Variants in ZBBX observed in about 807,000 individuals in gnomAD.
ZBBX encodes zinc finger B-box domain-containing protein 1.
Under a neutral mutation model 108.5 loss-of-function variants are expected in ZBBX, and 101 were observed. The ratio of observed to expected loss-of-function variants is 0.93; its 90% CI spans 0.79 to 1.10. The LOEUF is 1.10. Among genes scored for constraint, ZBBX ranks in the 50% least tolerant of loss-of-function variants. The pLI, the probability that ZBBX is intolerant of heterozygous loss-of-function variation, is 0.00. For missense variants in ZBBX, 1,009 were observed against 941.4 expected (o/e 1.07, Z -0.94); for synonymous variants, 356 against 323.4 (o/e 1.10, Z -1.08).
chr3:167,317,986 C>A (rs190584940), intron 12 of ZBBX, among the ~76,000 whole-genome samples: 1 of 151,888 alleles, frequency 6.6e-6, no homozygotes, highest in Admixed American at 6.6e-5. Context: ...ATGAGTTCTA[C>A]GGGAACCTGA....
intron 17 of ZBBX, 31 bp downstream of exon 17, chr3:167,305,612 T>G: frequency 7.1e-7 from 1 of 1,409,372 alleles, no homozygotes; most frequent in Non-Finnish European, 9.3e-7. Context: ...TCTTATAAAA[T>G]TTTAATATAA....
intron 20 of ZBBX, among the ~76,000 whole-genome samples, chr3:167,279,030 G>T (rs1299292062): frequency 1.3e-5 from 2 of 151,936 alleles, no homozygotes; most frequent in Non-Finnish European, 2.9e-5. Context: ...TGCAGAAAAA[G>T]CCTTTGACAA....
intron 20 of ZBBX, among the ~76,000 whole-genome samples, chr3:167,254,921 A>AT (rs1209308190): frequency 1.3e-5 from 2 of 149,544 alleles, no homozygotes; most frequent in East Asian, 1.9e-4. Context: ...AGAGAGAGAA[A>AT]GGGAGAGAGA....
the ZBBX span, among the ~76,000 whole-genome samples, chr3:167,219,633 A>G: frequency 6.6e-6 from 1 of 152,010 alleles, no homozygotes; most frequent in Non-Finnish European, 1.5e-5. Flanking sequence ...GGCAGTACTA[A>G]CAGGAAAGTT....
At chr3:167,307,676 T>C (rs753772313) in intron 16 of ZBBX, among the ~76,000 whole-genome samples, 5 of 152,146 alleles carry the variant, frequency 3.3e-5, no homozygotes, top group African/African-American at 4.8e-5. Context: ...TACAGCTATC[T>C]GACCTTCAAC....
At chr3:167,343,249 A>G (rs1319212314) in intron 9 of ZBBX, among the ~76,000 whole-genome samples, 1 of 151,872 alleles carries the variant, frequency 6.6e-6, no homozygotes, top group East Asian at 1.9e-4. Context: ...AAATTTCCTC[A>G]GCATAAACAT....
intron 18 of ZBBX, 131 bp from the exon 19 acceptor site, chr3:167,289,114 T>C (rs942975747): frequency 2.7e-5 from 10 of 370,424 alleles, no homozygotes; most frequent in African/African-American, 4.2e-5. Flanking sequence ...ATATATATTA[T>C]GAAATACAAA....
At chr3:167,348,461 AAGAAAGAAAG>A (rs1742083868) in intron 9 of ZBBX, among the ~76,000 whole-genome samples, 1 of 125,666 alleles carries the variant, frequency 8.0e-6, no homozygotes, top group Non-Finnish European at 1.7e-5. Flanking sequence ...AGAAAGAGGA[AAGAAAGAAAG>A]AGAGAGAAGG....
At chr3:167,330,833 T>C (rs13088384) in intron 10 of ZBBX, among the ~76,000 whole-genome samples, 2 of 70,070 alleles carry the variant, frequency 2.9e-5, no homozygotes, top group African/African-American at 5.0e-5. Flanking sequence ...GAAGCAGAAG[T>C]AGAAGAGGAA....
At chr3:167,348,240 A>C (rs1392863910) in intron 9 of ZBBX, among the ~76,000 whole-genome samples, 1 of 102,436 alleles carries the variant, frequency 9.8e-6, no homozygotes, top group Non-Finnish European at 2.0e-5. Context: ...GAGGGAAGGA[A>C]GGGAGGGAGG....
Position 167,305,726 on chromosome 3 carries a change from G to A in ZBBX, c.1642C>T (p.Gln548Ter), listed in dbSNP as rs199656521. ...EKAPIEEKLS[Q>*]DIKESLELSN... is the part of the protein sequence containing the mutation. Reference sequence around the variant, plus strand: ...AATTCCAAGGATTCTTTGATGTCTTGAGATAATTTCTCCTCAATGGGAGCT... The same window carrying A: ...AATTCCAAGGATTCTTTGATGTCTTAAGATAATTTCTCCTCAATGGGAGCT... The change falls in exon 17 of 22, where the codon CAA becomes TAA. Residue 548 changes from glutamine to a stop codon, truncating the protein, a stop_gained. Transcript: ENST00000675490. LOFTEE classifies it high-confidence loss of function. 5.0e-6 allele frequency: 8 copies of A among 1,611,790 alleles called. No homozygotes were observed. Among genetic ancestry groups the A allele is most frequent in the Non-Finnish European group, 5.1e-6 (6 of 1,179,276 alleles).
chr3:167,293,837 T>G (rs747197223), intron 18 of ZBBX, among the ~76,000 whole-genome samples: 2 of 152,202 alleles, frequency 1.3e-5, no homozygotes, highest in Non-Finnish European at 2.9e-5. Context: ...GATAAGCAAC[T>G]TCAGCAAAGT....
chr3:167,246,016 T>A (rs1490700411), intron 20 of ZBBX, among the ~76,000 whole-genome samples: 1 of 152,102 alleles, frequency 6.6e-6, no homozygotes, highest in Admixed American at 6.5e-5. Context: ...TGCTATACAT[T>A]TGGGGGAGAC....
chr3:167,336,948 C>T (rs986476919), intron 9 of ZBBX, among the ~76,000 whole-genome samples: 11 of 152,096 alleles, frequency 7.2e-5, no homozygotes, highest in Non-Finnish European at 1.3e-4. Context: ...TTCAAGCATA[C>T]TTTCTCTGCT....
chr3:167,399,773 A>T (rs1024744656), intron 1 of ZBBX, among the ~76,000 whole-genome samples: 2 of 152,154 alleles, frequency 1.3e-5, no homozygotes, highest in Non-Finnish European at 2.9e-5. Flanking sequence ...ATATTGCATG[A>T]TGCTGAGGCT....
At chr3:167,359,755 G>T in intron 8 of ZBBX, 115 bp downstream of exon 8, 1 of 429,636 alleles carries the variant, frequency 2.3e-6, no homozygotes, top group South Asian at 1.0e-4. Flanking sequence ...AAAAGTATAT[G>T]GCTACCAAGC....
At chr3:167,327,195 C>G (rs1737551785) in intron 11 of ZBBX, among the ~76,000 whole-genome samples, 1 of 150,166 alleles carries the variant, frequency 6.7e-6, no homozygotes, top group Non-Finnish European at 1.5e-5. Flanking sequence ...AATGAGAACG[C>G]AAATCAATTC....
chr3:167,285,126 A>G (rs925210332), intron 19 of ZBBX, among the ~76,000 whole-genome samples: 2 of 152,122 alleles, frequency 1.3e-5, no homozygotes, highest in African/African-American at 4.8e-5. Flanking sequence ...TTAACTGAAG[A>G]ATATATGCTC....
At chr3:167,360,584 G>T (rs1207323120) in intron 7 of ZBBX, 91 bp downstream of exon 7, 4 of 739,752 alleles carry the variant, frequency 5.4e-6, no homozygotes, top group African/African-American at 1.8e-5. Flanking sequence ...ATACTGCCCG[G>T]ACAATTCTAA....
Sources: gnomAD v4.1 joint callset for allele counts (sites outside exome capture counted in the v4.1 genomes callset) on GRCh38, gnomAD v4.1.1 for gene constraint, MANE v1.5 for transcripts, NCBI Gene and HGNC (gene_info 2026-07-23, HGNC 2026-07-21) for gene names.